The following NRXN3 variants were observed in gnomAD, a reference collection of about 807,000 sequenced individuals.
NRXN3 encodes the protein neurexin 3.
A neutral mutation model predicts 137.6 loss-of-function variants in NRXN3; 32 were observed. The observed-to-expected ratio is 0.23, with a 90% CI of 0.18 to 0.31. The LOEUF (loss-of-function observed/expected upper bound fraction) is 0.31. Among genes scored for constraint, NRXN3 ranks in the 10% least tolerant of loss-of-function variants. The pLI, the probability that NRXN3 is intolerant of heterozygous loss-of-function variation, is 1.00. For synonymous variants in NRXN3, 798 were observed against 784.5 expected (o/e 1.02, Z -0.29); for missense variants, 1,574 against 2,062.5 (o/e 0.76, Z 4.59).
chr14:79,164,145 TG>T (rs1280045225), intron 15 of NRXN3, among the ~76,000 whole-genome samples: 1 of 152,006 alleles, frequency 6.6e-6, no homozygotes, highest in Non-Finnish European at 1.5e-5. Context: ...TCTTTAGACC[TG>T]TCACTTATCA....
intron 17 of NRXN3, 61 bp from the exon 18 acceptor site, chr14:79,692,112 G>A: frequency 7.6e-7 from 1 of 1,310,214 alleles, no homozygotes; most frequent in South Asian, 1.4e-5. Context: ...AACCTAGGAT[G>A]TTTTTTAATG....
intron 4 of NRXN3, among the ~76,000 whole-genome samples, chr14:78,609,970 T>A (rs1043002913): frequency 6.6e-6 from 1 of 151,836 alleles, no homozygotes; most frequent in African/African-American, 2.4e-5. Flanking sequence ...AATTCACAGC[T>A]GTCTTTACCT....
At chr14:79,103,733 T>C (rs571240184) in intron 15 of NRXN3, among the ~76,000 whole-genome samples, 1 of 152,322 alleles carries the variant, frequency 6.6e-6, no homozygotes, top group East Asian at 1.9e-4. Context: ...TTGTTTGATC[T>C]GGGCCTGCCT....
chr14:78,578,576 T>A (rs1040877424), intron 4 of NRXN3, among the ~76,000 whole-genome samples: 3 of 152,182 alleles, frequency 2.0e-5, no homozygotes, highest in African/African-American at 4.8e-5. Flanking sequence ...AAACAAAAAC[T>A]TTTCCCCTGG....
intron 16 of NRXN3, among the ~76,000 whole-genome samples, chr14:79,645,001 G>C (rs1162049778): frequency 7.4e-6 from 1 of 135,462 alleles, no homozygotes; most frequent in Non-Finnish European, 1.7e-5. Context: ...CAGGTATCTT[G>C]CATTTCTGTC....
chr14:79,536,728 C>G (rs993773778), intron 16 of NRXN3, among the ~76,000 whole-genome samples: 1 of 152,046 alleles, frequency 6.6e-6, no homozygotes, highest in Admixed American at 6.6e-5. Context: ...TCTATTCCTG[C>G]ATTAGTTTGC....
intron 3 of NRXN3, among the ~76,000 whole-genome samples, chr14:78,280,992 G>T (rs537493280): frequency 6.6e-6 from 1 of 152,352 alleles, no homozygotes; most frequent in Admixed American, 6.5e-5. Flanking sequence ...GCTGTTGAGT[G>T]GCAGGGCCAA....
At chr14:79,394,370 T>C (rs894667439) in intron 15 of NRXN3, among the ~76,000 whole-genome samples, 2 of 152,230 alleles carry the variant, frequency 1.3e-5, no homozygotes, top group Admixed American at 1.3e-4. Context: ...ATTAGTCAGG[T>C]ACACTTCTTA....
At chr14:78,572,068 C>T (rs1383949645) in intron 4 of NRXN3, among the ~76,000 whole-genome samples, 2 of 152,182 alleles carry the variant, frequency 1.3e-5, no homozygotes, top group Non-Finnish European at 2.9e-5. Flanking sequence ...ACATACCTAG[C>T]TCCTGCTTGC....
At chr14:78,418,326 G>C (rs2093260577) in intron 4 of NRXN3, among the ~76,000 whole-genome samples, 1 of 152,152 alleles carries the variant, frequency 6.6e-6, no homozygotes, top group Non-Finnish European at 1.5e-5. Flanking sequence ...TGGATTTGGG[G>C]CTGCCAAGCT....
intron 15 of NRXN3, among the ~76,000 whole-genome samples, chr14:79,032,455 A>G (rs190855656): frequency 4.5e-4 from 68 of 152,314 alleles, no homozygotes; most frequent in African/African-American, 1.6e-3. Flanking sequence ...TTCTACCATA[A>G]ACAGAACTGA....
At chr14:79,619,669 T>C in intron 16 of NRXN3, among the ~76,000 whole-genome samples, 1 of 152,110 alleles carries the variant, frequency 6.6e-6, no homozygotes, top group Admixed American at 6.6e-5. Flanking sequence ...TTACACAGAA[T>C]ACAGTATTCA....
At chr14:79,433,838 C>A (rs1049703812) in intron 15 of NRXN3, among the ~76,000 whole-genome samples, 1 of 152,170 alleles carries the variant, frequency 6.6e-6, no homozygotes, top group Middle Eastern at 3.2e-3. Context: ...ATTTAGAAGC[C>A]TTTAACTGTG....
intron 4 of NRXN3, among the ~76,000 whole-genome samples, chr14:78,383,674 A>G (rs2089506715): frequency 6.6e-6 from 1 of 152,188 alleles, no homozygotes; most frequent in Non-Finnish European, 1.5e-5. Flanking sequence ...TTTGAGTTCT[A>G]TTCCTGACTT....
chr14:78,721,261 C>A (rs1024636120), intron 8 of NRXN3, among the ~76,000 whole-genome samples: 1 of 152,182 alleles, frequency 6.6e-6, no homozygotes, highest in Admixed American at 6.5e-5. Flanking sequence ...TTTCACTGGT[C>A]TCAGTGCTAT....
Position 78,648,982 on chromosome 14 carries a change from C to T in NRXN3, c.1060-2183C>T, listed in dbSNP as rs554014743. Among the ~76,000 whole-genome samples the T allele has an allele frequency of 7.2e-5, 11 of 152,234 alleles. No individual in the cohort carries two copies. In the South Asian group the frequency reaches 2.1e-3, roughly 29 times the overall value. On this transcript the variant is annotated intron_variant, in intron 5 of 20. Coordinates refer to ENST00000335750, the MANE Select transcript of NRXN3 (RefSeq NM_001330195.2). ...TGGTCTGAGAGAGATTTGGAAGAAG[C>T]AGGGAGCTGCAATGGCATGTAGACT...
intron 5 of NRXN3, among the ~76,000 whole-genome samples, chr14:78,647,981 A>G (rs1425124589): frequency 6.6e-6 from 1 of 152,210 alleles, no homozygotes; most frequent in Non-Finnish European, 1.5e-5. Flanking sequence ...AAATTCATTG[A>G]GTAAAGTTTA....
chr14:78,683,892 T>C lies in NRXN3; in HGVS notation c.1222-25325T>C, dbSNP rs1310722282. On this transcript the variant is annotated intron_variant, in intron 6 of 20. Coordinates refer to ENST00000335750, the MANE Select transcript of NRXN3 (RefSeq NM_001330195.2). ...TTCTGTTTATTTTATGTTAGTTACATCTTAGATTGATGATTCCCTGGTGGA... is the reference window on the plus strand; with the variant it reads ...TTCTGTTTATTTTATGTTAGTTACACCTTAGATTGATGATTCCCTGGTGGA... Among the ~76,000 whole-genome samples, 11 of 152,236 alleles carry C rather than the reference T, an allele frequency of 7.2e-5. No individual in the cohort carries two copies. The South Asian group carries it at 2.3e-3, about 32-fold the overall frequency.
intron 15 of NRXN3, among the ~76,000 whole-genome samples, chr14:79,388,653 G>A (rs776947856): frequency 6.6e-6 from 1 of 152,042 alleles, no homozygotes. Flanking sequence ...AGGGACTCCA[G>A]TTCATCATAT....
Sources: allele counts gnomAD v4.1 joint callset (sites outside exome capture counted in the v4.1 genomes callset), GRCh38; gene constraint gnomAD v4.1.1; transcripts MANE v1.5; gene names NCBI Gene and HGNC (gene_info 2026-07-23, HGNC 2026-07-21).